MYLK4: variants seen among roughly 807,000 people sequenced by gnomAD.
MYLK4 encodes the protein caMLCK like.
Under a neutral mutation model 48.1 loss-of-function variants are expected in MYLK4, and 46 were observed. That is an observed-to-expected ratio of 0.96 (90% CI 0.75 to 1.22). The LOEUF (loss-of-function observed/expected upper bound fraction) is 1.22, where lower values mean the gene tolerates loss of function less well. MYLK4 is among the 50% of genes most tolerant of loss of function. MYLK4 has a pLI of 0.00. For synonymous variants in MYLK4, 170 were observed against 180.8 expected, an observed-to-expected ratio of 0.94 and a Z score of 0.48; for missense variants, 451 against 486.1, an observed-to-expected ratio of 0.93 and a Z score of 0.68.
chr6:2,685,326 G>A lies in MYLK4; in HGVS notation c.515C>T (p.Ser172Phe). The A allele has an allele frequency of 1.2e-6, 2 of 1,613,552 alleles. No individual in the cohort carries two copies. The highest frequency in any genetic ancestry group is 1.7e-6 in the Non-Finnish European group (2 of 1,179,734). Residue 172 changes from serine (S) to phenylalanine (F), a missense_variant, in exon 6 of 13, where the codon TCT (serine) becomes TTT (phenylalanine). Transcript: ENST00000274643. The surrounding 1 kb of genome is among the most constrained non-coding windows in gnomAD (Gnocchi z 4.5). ...CATGACCAGGACAATGTCGTTCTTAGACTCGAAGGCATCGTACAGCTGGAT... is the reference window on the plus strand; with the variant it reads ...CATGACCAGGACAATGTCGTTCTTAAACTCGAAGGCATCGTACAGCTGGAT... ...NLIQLYDAFE[S>F]KNDIVLVMEY... is the part of the protein sequence containing the mutation.
chr6:2,763,110 C>A, the MYLK4 span, among the ~76,000 whole-genome samples: 1 of 152,198 alleles, frequency 6.6e-6, no homozygotes, highest in Non-Finnish European at 1.5e-5. Flanking sequence ...GCCCATTGGT[C>A]TGTTTTACGG....
At chr6:2,762,518 T>C in the MYLK4 span, among the ~76,000 whole-genome samples, 1 of 152,256 alleles carries the variant, frequency 6.6e-6, no homozygotes, top group Non-Finnish European at 1.5e-5. Flanking sequence ...TCTCTATAAA[T>C]GTTTAAAATC....
intron 2 of MYLK4, among the ~76,000 whole-genome samples, chr6:2,748,465 G>T (rs1195811231): frequency 6.6e-6 from 1 of 152,218 alleles, no homozygotes; most frequent in African/African-American, 2.4e-5. Flanking sequence ...AGGCAGGGGA[G>T]GTAATTGCTG....
At chr6:2,724,441 C>T (rs562774344) in intron 2 of MYLK4, among the ~76,000 whole-genome samples, 4 of 152,224 alleles carry the variant, frequency 2.6e-5, no homozygotes, top group Admixed American at 1.3e-4. Flanking sequence ...CAATCACTAA[C>T]GCAGGGGGAA....
At chr6:2,686,098 GA>G (rs34229153) in intron 4 of MYLK4, among the ~76,000 whole-genome samples, 38,484 of 114,660 alleles carry the variant, frequency 0.34, 5,813 homozygotes, top group East Asian at 0.53. Flanking sequence ...AAGAAAGAAA[GA>G]AAAAAAAAAA....
chr6:2,769,106 T>G, the MYLK4 span, among the ~76,000 whole-genome samples: 2 of 152,240 alleles, frequency 1.3e-5, no homozygotes, highest in Admixed American at 1.3e-4. Context: ...GGCATATCCC[T>G]GAGCTATACG....
intron 2 of MYLK4, among the ~76,000 whole-genome samples, chr6:2,699,582 C>G (rs983267329): frequency 1.3e-5 from 2 of 152,004 alleles, no homozygotes; most frequent in African/African-American, 4.8e-5. Context: ...CAGCTGTCAG[C>G]CACCATGCCC....
intron 2 of MYLK4, among the ~76,000 whole-genome samples, chr6:2,705,342 G>A (rs561714225): frequency 1.3e-5 from 2 of 152,182 alleles, no homozygotes; most frequent in African/African-American, 2.4e-5. Context: ...GGGAAGGGAG[G>A]GTGATGGGAG....
chr6:2,765,242 G>A, the MYLK4 span, among the ~76,000 whole-genome samples: 2 of 141,186 alleles, frequency 1.4e-5, no homozygotes, highest in Non-Finnish European at 3.0e-5. Context: ...GGAAATGGAC[G>A]CACGGCAGCT....
chr6:2,693,828 G>T (rs903448686), intron 2 of MYLK4, among the ~76,000 whole-genome samples: 1 of 148,330 alleles, frequency 6.7e-6, no homozygotes, highest in Middle Eastern at 3.4e-3. Flanking sequence ...CGCAATCTCA[G>T]CTCACTGCAA....
At chr6:2,711,348 CATG>C (rs1296261380) in intron 2 of MYLK4, among the ~76,000 whole-genome samples, 6 of 152,194 alleles carry the variant, frequency 3.9e-5, no homozygotes, top group Non-Finnish European at 8.8e-5. Context: ...ATGACTTTAG[CATG>C]ATATTTTCTT....
At chr6:2,770,044 G>A in the MYLK4 span, 3 of 1,588,100 alleles carry the variant, frequency 1.9e-6, no homozygotes, top group Non-Finnish European at 1.7e-6. Context: ...GGAAGGAAGG[G>A]ATAGCCAACT....
chr6:2,677,502 C>T (rs73348593), intron 10 of MYLK4, among the ~76,000 whole-genome samples: 2,158 of 152,278 alleles, frequency 0.014, 49 homozygotes, highest in African/African-American at 0.049. Context: ...TCTGAAACAG[C>T]GTGTTTGATG....
chr6:2,698,574 T>C (rs1762156124), intron 2 of MYLK4, among the ~76,000 whole-genome samples: 1 of 152,234 alleles, frequency 6.6e-6, no homozygotes, highest in African/African-American at 2.4e-5. Flanking sequence ...TTGGCCATTT[T>C]ACCTAAGTTC....
intron 1 of MYLK4, 35 bp from the exon 2 acceptor site, chr6:2,749,441 C>T (rs73717423): frequency 1.3e-4 from 76 of 566,076 alleles, no homozygotes; most frequent in Non-Finnish European, 2.0e-4. Flanking sequence ...GTTCTCATCA[C>T]GTATTCATGC....
the MYLK4 span, among the ~76,000 whole-genome samples, chr6:2,756,437 C>T: frequency 1.3e-5 from 2 of 152,180 alleles, no homozygotes; most frequent in Non-Finnish European, 2.9e-5. Context: ...CTGAATTCTG[C>T]CATTTCTTCA....
intron 12 of MYLK4, among the ~76,000 whole-genome samples, chr6:2,670,081 C>A (rs1480526588): frequency 1.3e-5 from 2 of 152,242 alleles, no homozygotes; most frequent in South Asian, 2.1e-4. Context: ...AGGATTAAGA[C>A]CAGGCCAGGC....
chr6:2,770,346 G>C, the MYLK4 span: 17 of 1,614,188 alleles, frequency 1.1e-5, no homozygotes, highest in East Asian at 3.3e-4. Flanking sequence ...AGCCACAGCA[G>C]CAACAGCAGC....
upstream of MYLK4, among the ~76,000 whole-genome samples, chr6:2,755,401 A>G (rs752904990): frequency 2.0e-5 from 3 of 152,156 alleles, no homozygotes; most frequent in Non-Finnish European, 4.4e-5. Context: ...CTTTACCCCT[A>G]TATGAATTGG....
Sources: gnomAD v4.1 joint callset for allele counts (sites outside exome capture counted in the v4.1 genomes callset) on GRCh38, gnomAD v4.1.1 for gene constraint, Gnocchi (gnomAD v3.1) non-coding constraint, MANE v1.5 for transcripts, NCBI Gene and HGNC (gene_info 2026-07-23, HGNC 2026-07-21) for gene names.